The following PPP6C variants were observed in gnomAD, a reference collection of about 807,000 sequenced individuals.
The protein encoded by PPP6C is protein phosphatase 6 catalytic subunit.
In PPP6C, 11 loss-of-function variants were observed where a neutral mutation model predicts 39.8. That is an observed-to-expected ratio of 0.28 (90% confidence interval 0.17 to 0.46). PPP6C has a LOEUF of 0.46. PPP6C is among the 20% of genes least tolerant of loss of function. The pLI, the probability that PPP6C is intolerant of heterozygous loss-of-function variation, is 1.00. For synonymous variants in PPP6C, 129 were observed against 130.3 expected (o/e 0.99, Z 0.07); for missense variants, 211 against 373.9 (o/e 0.56, Z 3.59).
At chr9:125,182,342 TA>T (rs200068134) in intron 1 of PPP6C, among the ~76,000 whole-genome samples, 7 of 151,254 alleles carry the variant, frequency 4.6e-5, no homozygotes, top group Admixed American at 1.3e-4. Flanking sequence ...CTCTTAGCTT[TA>T]AAAAAAAAGA....
chr9:125,151,240 C>T (rs945313219), intron 6 of PPP6C: 10 of 1,504,472 alleles, frequency 6.6e-6, no homozygotes, highest in Middle Eastern at 1.7e-4. Context: ...CCAATGAAGT[C>T]GACCGCATGG....
chr9:125,149,840 T>G lies in PPP6C; in HGVS notation c.751A>C (p.Lys251Gln), dbSNP rs756108576. 6.2e-7 allele frequency: 1 copy of G among 1,614,200 alleles called. No homozygotes were observed. Among genetic ancestry groups the G allele is most frequent in the South Asian group, 1.1e-5 (1 of 91,082 alleles). The change falls in exon 7 of 7, where the codon AAG (lysine) becomes CAG (glutamine). Residue 251 changes from lysine to glutamine, a missense_variant. Lys to Gln is a moderately conservative substitution (Grantham distance 53). Transcript: ENST00000373547. ...HEGYKFMFDE[K>Q]LVTVWSAPNY... The stretch of plus-strand genomic sequence containing the variant: ...GGAGCAGACCATACTGTCACCAGCT[T>G]CTCATCAAACATAAATTTATAGCCT...
intron 3 of PPP6C, among the ~76,000 whole-genome samples, chr9:125,160,365 A>G (rs1043760589): frequency 2.0e-5 from 3 of 152,162 alleles, no homozygotes; most frequent in African/African-American, 7.2e-5. Flanking sequence ...AAAGTATACA[A>G]TCACCTTGAT....
intron 2 of PPP6C, among the ~76,000 whole-genome samples, chr9:125,162,457 C>CAAAA (rs977223135): frequency 4.2e-5 from 3 of 70,974 alleles, no homozygotes; most frequent in East Asian, 8.2e-4. Flanking sequence ...GATTCTGTCT[C>CAAAA]AAAAAAAAAA....
chr9:125,172,071 A>C (rs2416954), intron 1 of PPP6C: 61,602 of 400,918 alleles, frequency 0.15, 4,946 homozygotes, highest in East Asian at 0.24. Context: ...ACACCATGTA[A>C]TACTACTCAG....
At chr9:125,168,219 A>G (rs967094609) in intron 2 of PPP6C, among the ~76,000 whole-genome samples, 1 of 152,182 alleles carries the variant, frequency 6.6e-6, no homozygotes, top group African/African-American at 2.4e-5. Flanking sequence ...TAGCCAAGCC[A>G]GGATTTAAAC....
intron 1 of PPP6C, among the ~76,000 whole-genome samples, chr9:125,172,535 AT>A (rs1333676748): frequency 6.6e-6 from 1 of 152,152 alleles, no homozygotes; most frequent in Non-Finnish European, 1.5e-5. Context: ...AAATGACAAA[AT>A]TAAAGAAATG....
chr9:125,162,593 G>A (rs940876323), intron 2 of PPP6C, among the ~76,000 whole-genome samples: 3 of 151,520 alleles, frequency 2.0e-5, no homozygotes, highest in Non-Finnish European at 2.9e-5. Flanking sequence ...CCAACATGGT[G>A]AAACCCTGTC....
At chr9:125,150,421 G>GGGGTGT (rs1554720640) in intron 6 of PPP6C, among the ~76,000 whole-genome samples, 31 of 149,856 alleles carry the variant, frequency 2.1e-4, no homozygotes, top group Admixed American at 1.5e-3. Flanking sequence ...CAATATAAGG[G>GGGGTGT]GTGTGTGTGT....
At chr9:125,181,594 T>C (rs1031883757) in intron 1 of PPP6C, among the ~76,000 whole-genome samples, 4 of 152,176 alleles carry the variant, frequency 2.6e-5, no homozygotes, top group African/African-American at 9.7e-5. Flanking sequence ...TGTTTCGTTT[T>C]CTGTTCCTGT....
At chr9:125,188,397 T>G (rs201490965) in intron 1 of PPP6C, among the ~76,000 whole-genome samples, 1 of 151,598 alleles carries the variant, frequency 6.6e-6, no homozygotes, top group Non-Finnish European at 1.5e-5. Flanking sequence ...AAAAAAAGAA[T>G]ACACTGAGTC....
Position 125,157,823 on chromosome 9 carries a change from T to C in PPP6C, c.379+418A>G, listed in dbSNP as rs530997327. ...CTCCTGCCTCAGCCTCCCGAGTAAC[T>C]GGGATTACATGCACACACCACCACG... On this transcript the variant is annotated intron_variant, in intron 4 of 6. Transcript: ENST00000373547. Among the ~76,000 whole-genome samples, 9 of 151,880 alleles carry C rather than the reference T, an allele frequency of 5.9e-5. No homozygotes were observed. In the South Asian group the frequency reaches 1.9e-3, roughly 32 times the overall value.
intron 4 of PPP6C, among the ~76,000 whole-genome samples, chr9:125,157,808 A>T (rs1298247876): frequency 2.0e-5 from 3 of 150,844 alleles, no homozygotes; most frequent in African/African-American, 7.3e-5. Flanking sequence ...CTCCTGCCTC[A>T]GCCTCCCGAG....
rs1486137275 is a variant in PPP6C, at chr9:125,149,203, A to AG, written c.*469dup. 2 of 153,078 alleles carry AG rather than the reference A, an allele frequency of 1.3e-5. No individual in the cohort carries two copies. Among genetic ancestry groups the AG allele is most frequent in the Admixed American group, 1.3e-4 (2 of 15,358 alleles). 9.5% of individuals were successfully genotyped at this position (153,078 alleles called of 1,614,324 possible). A position where few individuals can be genotyped will look rare whatever the true frequency, so the allele number is the denominator to read the frequency against. ...GGACAATGAAGTTTACATCTGGGAC[A>AG]GGTATACATAACTTGAGGCATTTGG... is the stretch of plus-strand genomic sequence containing the variant. On this transcript the variant is annotated 3_prime_UTR_variant, in exon 7 of 7. Coordinates refer to ENST00000373547, the MANE Select transcript of PPP6C (RefSeq NM_002721.5).
At chr9:125,189,602 C>G in intron 1 of PPP6C, 42 bp downstream of exon 1, 1 of 1,609,318 alleles carries the variant, frequency 6.2e-7, no homozygotes, top group East Asian at 2.2e-5. Context: ...GGCCGGCGGG[C>G]GCCCCACAGC....
chr9:125,161,497 G>A (rs1313897987), intron 2 of PPP6C, among the ~76,000 whole-genome samples: 1 of 152,114 alleles, frequency 6.6e-6, no homozygotes, highest in Non-Finnish European at 1.5e-5. Context: ...AGGCCGGAAT[G>A]CAGTGGTGCA....
At chr9:125,186,205 TTTA>T (rs1829527145) in intron 1 of PPP6C, among the ~76,000 whole-genome samples, 1 of 152,072 alleles carries the variant, frequency 6.6e-6, no homozygotes, top group South Asian at 2.1e-4. Context: ...AATAGAATGT[TTTA>T]TTTTGCCTTT....
chr9:125,170,799 T>C (rs1564153691), intron 2 of PPP6C, among the ~76,000 whole-genome samples: 6 of 152,186 alleles, frequency 3.9e-5, no homozygotes. Context: ...TGTTTGTACT[T>C]TATATCTTCT....
Position 125,147,828 on chromosome 9 carries a change from G to C in PPP6C, c.*1845C>G, listed in dbSNP as rs1209763990. On this transcript the variant is annotated 3_prime_UTR_variant, in exon 7 of 7. Transcript: ENST00000373547. ...ACAGGAAAAAAAAAAATACTGCAGA[G>C]AGCTGTTCAAAGACCACACCAAGTT... is the stretch of plus-strand genomic sequence containing the variant. 1 of 165,114 alleles carries C rather than the reference G, an allele frequency of 6.1e-6. No individual in the cohort carries two copies. The highest frequency in any genetic ancestry group is 2.4e-5 in the African/African-American group (1 of 41,414). The allele number at this position is 165,114 out of a possible 1,614,324, so 10.2% of individuals were successfully genotyped here. A position where few individuals can be genotyped will look rare whatever the true frequency, so the allele number is the denominator to read the frequency against.
Sources: allele counts gnomAD v4.1 joint callset (sites outside exome capture counted in the v4.1 genomes callset), GRCh38; gene constraint gnomAD v4.1.1; transcripts MANE v1.5; gene names NCBI Gene and HGNC (gene_info 2026-07-23, HGNC 2026-07-21).